Variants in AADACL4 observed in about 807,000 individuals in gnomAD.
AADACL4 encodes arylacetamide deacetylase like 4.
A neutral mutation model predicts 14.1 loss-of-function variants in AADACL4; 9 were observed. The observed-to-expected ratio is 0.64, with a 90% CI of 0.39 to 1.12. The LOEUF is 1.12. AADACL4 is among the 50% of genes most tolerant of loss of function. AADACL4 has a pLI of 0.01. For synonymous variants in AADACL4, 188 were observed against 201.6 expected (o/e 0.93, Z 0.57); for missense variants, 531 against 516.1 (o/e 1.03, Z -0.28).
At position 12,661,942 on chromosome 1, in the gene AADACL4, T is replaced by C; in HGVS notation, c.449+88T>C. On this transcript the variant is annotated intron_variant, in intron 3 of 3. Transcript: ENST00000376221. Reference sequence around the variant, plus strand: ...GGTGATTTGTAGATCAGAGAGGCCCTAACTCCCAAGAGGCAACTCTTGGAC... The same window carrying C: ...GGTGATTTGTAGATCAGAGAGGCCCCAACTCCCAAGAGGCAACTCTTGGAC... The C allele has an allele frequency of 2.8e-6, 4 of 1,426,960 alleles. No homozygotes were observed. The East Asian group carries it at 9.1e-5, about 33-fold the overall frequency. The allele number at this position is 1,426,960 out of a possible 1,614,324, so 88.4% of individuals were successfully genotyped here.
In AADACL4 at chr1:12,666,548, A is replaced by G. The variant is rs762302501; in HGVS notation, c.1037A>G (p.Asn346Ser). 52 of 1,614,066 alleles carry G rather than the reference A, an allele frequency of 3.2e-5. No individual in the cohort carries two copies. The highest frequency in any genetic ancestry group is 4.4e-5 in the Non-Finnish European group (52 of 1,180,028). ...GAGGCCTTCCTGGTGAGCTGTGAGA[A>G]TGACATACTCCGTGATGACAGCTTG... The part of the protein sequence containing the change: ...LPEAFLVSCE[N>S]DILRDDSLLY... Residue 346 changes from asparagine (N) to serine (S), a missense_variant, in exon 4 of 4, where the codon AAT (asparagine) becomes AGT (serine). Asn to Ser is a conservative substitution (Grantham distance 46, BLOSUM62 1). Coordinates refer to ENST00000376221, the MANE Select transcript of AADACL4 (RefSeq NM_001013630.2).
Position 12,651,524 on chromosome 1 carries a change from T to C in AADACL4, c.385+185T>C, listed in dbSNP as rs1024535710. Among the ~76,000 whole-genome samples, 10 of 152,166 alleles carry C rather than the reference T, an allele frequency of 6.6e-5. No homozygotes were observed. In the South Asian group the frequency reaches 1.0e-3, roughly 16 times the overall value. The stretch of plus-strand genomic sequence containing the variant: ...TCAGTAGATAGTGTGGCAGCTGACA[T>C]GGGAATCCTTTTCTTTTCTTTAATA... On this transcript the variant is annotated intron_variant, in intron 2 of 3. Coordinates refer to ENST00000376221, the MANE Select transcript of AADACL4 (RefSeq NM_001013630.2).
intron 1 of AADACL4, among the ~76,000 whole-genome samples, chr1:12,648,960 A>C (rs1176396286): frequency 6.6e-6 from 1 of 152,158 alleles, no homozygotes; most frequent in Non-Finnish European, 1.5e-5. Context: ...AAAATCCCCT[A>C]AACAAACGTT....
intron 2 of AADACL4, among the ~76,000 whole-genome samples, chr1:12,653,636 A>G (rs1647163137): frequency 6.6e-6 from 1 of 152,174 alleles, no homozygotes; most frequent in Admixed American, 6.6e-5. Context: ...ATGAGCGCAA[A>G]TCCTGGGATC....
At chr1:12,652,585 C>T (rs537965745) in intron 2 of AADACL4, among the ~76,000 whole-genome samples, 1 of 152,274 alleles carries the variant, frequency 6.6e-6, no homozygotes, top group East Asian at 1.9e-4. Flanking sequence ...AAAGCACACA[C>T]TCAAGAAAAG....
chr1:12,667,039 CA>C lies in AADACL4; in HGVS notation c.*305del. The C allele has an allele frequency of 2.1e-6, 1 of 466,114 alleles. No homozygotes were observed. 28.9% of individuals were successfully genotyped at this position (466,114 alleles called of 1,614,324 possible). On this transcript the variant is annotated 3_prime_UTR_variant, in exon 4 of 4. Coordinates refer to ENST00000376221, the MANE Select transcript of AADACL4 (RefSeq NM_001013630.2). ...CTTTAAAAATTTCTCAAAGCCCCAA[CA>C]TATAAGATCTGTGCAGAATAAATGC...
intron 2 of AADACL4, among the ~76,000 whole-genome samples, chr1:12,655,422 G>A (rs1200413111): frequency 6.6e-6 from 1 of 151,874 alleles, no homozygotes; most frequent in African/African-American, 2.4e-5. Flanking sequence ...TCTCAGTTAT[G>A]GCCATTATGG....
intron 2 of AADACL4, among the ~76,000 whole-genome samples, chr1:12,656,409 G>A (rs761653827): frequency 2.6e-5 from 4 of 152,200 alleles, no homozygotes; most frequent in Non-Finnish European, 5.9e-5. Context: ...TGGGAAGGTC[G>A]AGAAGGGCAA....
At position 12,666,641 on chromosome 1, in the gene AADACL4, A is replaced by G. The variant is rs1274173839; in HGVS notation, c.1130A>G (p.His377Arg). ...TGGTACCACCTGTATGATGGTTTTC[A>G]CGGATCCATTATCTTTTTTGATAAG... ...VTWYHLYDGF[H>R]GSIIFFDKKA... The change falls in exon 4 of 4, where the codon CAC (histidine) becomes CGC (arginine). Residue 377 changes from histidine to arginine, a missense_variant. Transcript: ENST00000376221. 1 of 1,614,178 alleles carries G rather than the reference A, an allele frequency of 6.2e-7. No individual in the cohort carries two copies. The highest frequency in any genetic ancestry group is 1.7e-5 in the Admixed American group (1 of 60,030).
At chr1:12,653,442 T>A (rs1647161215) in intron 2 of AADACL4, among the ~76,000 whole-genome samples, 1 of 152,194 alleles carries the variant, frequency 6.6e-6, no homozygotes, top group Non-Finnish European at 1.5e-5. Flanking sequence ...GAGTCCCACA[T>A]GGCTTCAGCA....
At chr1:12,662,234 G>A (rs1647240355) in intron 3 of AADACL4, among the ~76,000 whole-genome samples, 1 of 152,044 alleles carries the variant, frequency 6.6e-6, no homozygotes, top group South Asian at 2.1e-4. Flanking sequence ...ATTTTGCAAA[G>A]GTAAAAACGT....
rs940147815 is a variant in AADACL4, at chr1:12,667,037, A to G, written c.*302A>G. On this transcript the variant is annotated 3_prime_UTR_variant, in exon 4 of 4. Transcript: ENST00000376221. ...GCCTTTAAAAATTTCTCAAAGCCCCAACATATAAGATCTGTGCAGAATAAA... is the reference window on the plus strand; with the variant it reads ...GCCTTTAAAAATTTCTCAAAGCCCCGACATATAAGATCTGTGCAGAATAAA... The G allele has an allele frequency of 1.3e-5, 6 of 467,638 alleles. No individual in the cohort carries two copies. The highest frequency in any genetic ancestry group is 2.2e-5 in the Non-Finnish European group (6 of 268,428). The allele number at this position is 467,638 out of a possible 1,614,324, so 29.0% of individuals were successfully genotyped here.
intron 2 of AADACL4, among the ~76,000 whole-genome samples, chr1:12,652,103 G>A (rs1046059697): frequency 2.0e-5 from 3 of 151,936 alleles, no homozygotes; most frequent in South Asian, 2.1e-4. Flanking sequence ...GATTACAGGC[G>A]TGAGCCACCA....
At chr1:12,651,401 A>C in intron 2 of AADACL4, 62 bp downstream of exon 2, 27 of 1,539,404 alleles carry the variant, frequency 1.8e-5, no homozygotes, top group African/African-American at 4.1e-5. Context: ...AGCCTAGCTC[A>C]TGCCTCCCGC....
At chr1:12,659,244 T>A (rs1368127999) in intron 2 of AADACL4, among the ~76,000 whole-genome samples, 1 of 152,194 alleles carries the variant, frequency 6.6e-6, no homozygotes, top group African/African-American at 2.4e-5. Context: ...CTCATGGACC[T>A]GACAGTCACC....
intron 2 of AADACL4, among the ~76,000 whole-genome samples, chr1:12,655,070 G>T (rs557475643): frequency 7.2e-4 from 109 of 152,238 alleles, no homozygotes; most frequent in African/African-American, 2.5e-3. Flanking sequence ...CCGTTGTTGG[G>T]TCAGGGTCTC....
At position 12,663,351 on chromosome 1, in the gene AADACL4, G is replaced by A. The variant is rs375846827; in HGVS notation, c.449+1497G>A. On this transcript the variant is annotated intron_variant, in intron 3 of 3. Coordinates refer to ENST00000376221, the MANE Select transcript of AADACL4 (RefSeq NM_001013630.2). ...CAGGATCAGGGTGTCAGCATGGTCA[G>A]GCTCTGGTGAAGACCCTTTTCCAGG... 4.6e-5 allele frequency among the ~76,000 whole-genome samples: 7 copies of A among 152,304 alleles called. No homozygotes were observed. The East Asian group carries it at 5.8e-4, about 13-fold the overall frequency.
Position 12,644,127 on chromosome 1 carries a change from C to T in AADACL4, c.-420C>T, listed in dbSNP as rs190645116. On this transcript the variant is annotated 5_prime_UTR_variant, in exon 1 of 4. Coordinates refer to ENST00000376221, the MANE Select transcript of AADACL4 (RefSeq NM_001013630.2). ...GCTGGGGTGAGACGTGCTGTGCTCA[C>T]CCTAACCACACTCTGACAAGGAAAG... is the stretch of plus-strand genomic sequence containing the variant. 2.3e-3 allele frequency among the ~76,000 whole-genome samples: 351 copies of T among 152,310 alleles called. No homozygotes were observed. Among genetic ancestry groups the T allele is most frequent in the African/African-American group, 7.7e-3 (319 of 41,560 alleles).
chr1:12,644,847 T>A (rs1400165225), intron 1 of AADACL4, 133 bp downstream of exon 1: 1 of 1,001,060 alleles, frequency 1.0e-6, no homozygotes, highest in Non-Finnish European at 1.5e-6. Flanking sequence ...ACTTGTCTCT[T>A]CTGTATCTGC....
Sources: allele counts gnomAD v4.1 joint callset (sites outside exome capture counted in the v4.1 genomes callset), GRCh38; gene constraint gnomAD v4.1.1; transcripts MANE v1.5; gene names NCBI Gene and HGNC (gene_info 2026-07-23, HGNC 2026-07-21).